PGS1: variants seen among roughly 807,000 people sequenced by gnomAD.
PGS1 encodes the protein phosphatidylglycerophosphate synthase 1, also known as CDP-diacylglycerol--glycerol-3-phosphate 3-phosphatidyltransferase, mitochondrial.
PGS1 carries 44 observed loss-of-function variants against 58.3 expected under a neutral mutation model. The observed-to-expected ratio is 0.75, with a 90% CI of 0.59 to 0.97. The LOEUF (loss-of-function observed/expected upper bound fraction) is 0.97, where lower values mean the gene tolerates loss of function less well. PGS1 is among the 50% of genes least tolerant of loss of function. PGS1 has a pLI of 0.00. For synonymous variants in PGS1, 330 were observed against 311.0 expected (o/e 1.06, Z -0.64); for missense variants, 684 against 731.1 (o/e 0.94, Z 0.74).
chr17:78,423,521 C>T (rs967466091), intron 9 of PGS1, among the ~76,000 whole-genome samples: 3 of 152,236 alleles, frequency 2.0e-5, no homozygotes, highest in Non-Finnish European at 4.4e-5. Flanking sequence ...AGTGCCAAGC[C>T]CTCACCCCAC....
intron 6 of PGS1, among the ~76,000 whole-genome samples, chr17:78,403,364 T>C (rs189189411): frequency 6.6e-6 from 1 of 152,330 alleles, no homozygotes; most frequent in East Asian, 1.9e-4. Context: ...TGGGCTACTG[T>C]GGACCAGGCC....
chr17:78,399,455 C>T lies in PGS1; in HGVS notation c.619C>T (p.Leu207Phe), dbSNP rs2083485348. Residue 207 changes from leucine (L) to phenylalanine (F), a missense_variant, in exon 5 of 10, where the codon CTC (leucine) becomes TTC (phenylalanine). Physicochemically the swap from Leu to Phe is conservative, Grantham distance 22. Coordinates refer to ENST00000262764, the MANE Select transcript of PGS1 (RefSeq NM_024419.5). ...GCACCTCCGTGGGCTGCTTCGGCTC[C>T]TCATCCCTGAGCGCTTCAACGAGAC... ...TPHLRGLLRL[L>F]IPERFNETIG... 1 of 1,614,188 alleles carries T rather than the reference C, an allele frequency of 6.2e-7. No homozygotes were observed. Among genetic ancestry groups the T allele is most frequent in the Non-Finnish European group, 8.5e-7 (1 of 1,180,034 alleles).
At chr17:78,379,003 G>T (rs2081838022) in intron 1 of PGS1, among the ~76,000 whole-genome samples, 195 bp downstream of exon 1, 1 of 152,216 alleles carries the variant, frequency 6.6e-6, no homozygotes, top group South Asian at 2.1e-4. Context: ...AGGGTGGGCG[G>T]CTCGTGCTCC....
intron 9 of PGS1, chr17:78,420,309 CCA>C (rs751079699): frequency 2.5e-6 from 2 of 801,224 alleles, no homozygotes; most frequent in East Asian, 2.5e-4. Context: ...CAGTGGGGTC[CCA>C]CAGTCACCTG....
At chr17:78,419,978 A>C (rs1405274183) in intron 9 of PGS1, 63 of 1,176,492 alleles carry the variant, frequency 5.4e-5, no homozygotes, top group Non-Finnish European at 6.6e-5. Flanking sequence ...GGTCCTGAAG[A>C]AGCCCTGGGG....
intron 1 of PGS1, among the ~76,000 whole-genome samples, chr17:78,390,794 T>G (rs980346578): frequency 3.9e-5 from 6 of 152,276 alleles, no homozygotes; most frequent in African/African-American, 1.4e-4. Flanking sequence ...TGGGCAGAAA[T>G]TCATCTCCTT....
intron 1 of PGS1, among the ~76,000 whole-genome samples, chr17:78,387,386 G>A (rs1209501501): frequency 6.9e-6 from 1 of 144,096 alleles, no homozygotes; most frequent in East Asian, 2.1e-4. Flanking sequence ...TGCAACCTCC[G>A]CCTCCCGGGT....
In PGS1 at chr17:78,405,936, C is replaced by T. The variant is rs1458638064; in HGVS notation, c.1402+1847C>T. 3.9e-5 allele frequency among the ~76,000 whole-genome samples: 6 copies of T among 152,270 alleles called. No individual in the cohort carries two copies. The East Asian group carries it at 5.8e-4, about 15-fold the overall frequency. ...GGCACACAGCTGTGTTGTTGAGACT[C>T]GAGGCATCTTCCGGTGCTCAGGTGG... is the stretch of plus-strand genomic sequence containing the variant. On this transcript the variant is annotated intron_variant, in intron 7 of 9. Coordinates refer to ENST00000262764, the MANE Select transcript of PGS1 (RefSeq NM_024419.5).
Position 78,424,209 on chromosome 17 carries a change from CTGGCAGGAAGGGTGGGGT to C in PGS1, c.*160_*177del, listed in dbSNP as rs1339925200. ...GTGCTGCCAGTAAGTGAGGGAGGGGCTGGCAGGAAGGGTGGGGTCCTCACACTCCCCGCCCTCTGCAGA... is the reference window on the plus strand; with the variant it reads ...GTGCTGCCAGTAAGTGAGGGAGGGGCCCTCACACTCCCCGCCCTCTGCAGA... On this transcript the variant is annotated 3_prime_UTR_variant, in exon 10 of 10. Coordinates refer to ENST00000262764, the MANE Select transcript of PGS1 (RefSeq NM_024419.5). 2 of 1,556,062 alleles carry C rather than the reference CTGGCAGGAAGGGTGGGGT, an allele frequency of 1.3e-6. No individual in the cohort carries two copies. Among genetic ancestry groups the C allele is most frequent in the Non-Finnish European group, 1.7e-6 (2 of 1,153,712 alleles).
chr17:78,380,851 T>C (rs1459659861), intron 1 of PGS1: 1 of 152,104 alleles, frequency 6.6e-6, no homozygotes. Flanking sequence ...TTTTTCTTTT[T>C]CTTTTTTTTT....
At chr17:78,386,981 G>GATGATGA (rs1567940590) in intron 1 of PGS1, among the ~76,000 whole-genome samples, 1 of 111,458 alleles carries the variant, frequency 9.0e-6, no homozygotes, top group African/African-American at 4.1e-5. Flanking sequence ...GATGATGATG[G>GATGATGA]TGATGATGGT....
Position 78,378,944 on chromosome 17 carries a change from C to T in PGS1, c.143+136C>T, listed in dbSNP as rs2081832643. 4.2e-6 allele frequency: 4 copies of T among 959,440 alleles called. No homozygotes were observed. In the East Asian group the frequency reaches 9.9e-5, roughly 24 times the overall value. 59.4% of individuals were successfully genotyped at this position (959,440 alleles called of 1,614,324 possible). A position where few individuals can be genotyped will look rare whatever the true frequency, so the allele number is the denominator to read the frequency against. On this transcript the variant is annotated intron_variant, in intron 1 of 9. Transcript: ENST00000262764. ...GGTTTCCGGGCCCATTTCTGCCTCCCGGGGCTCGGCGCCTGACCTATGTGC... is the reference window on the plus strand; with the variant it reads ...GGTTTCCGGGCCCATTTCTGCCTCCTGGGGCTCGGCGCCTGACCTATGTGC...
chr17:78,404,060 G>A lies in PGS1; in HGVS notation c.1373G>A (p.Trp458Ter), dbSNP rs1447382199. The change falls in exon 7 of 10, where the codon TGG (tryptophan) becomes TAG (stop). Residue 458 changes from tryptophan (W) to a stop codon, truncating the protein, a stop_gained. Coordinates refer to ENST00000262764, the MANE Select transcript of PGS1 (RefSeq NM_024419.5). LOFTEE classifies it high-confidence loss of function. ...QQERVQLQEY[W>*]RRGWTFHAKG... ...GAGCGGGTCCAGCTTCAGGAGTACT[G>A]GCGGAGGGGCTGGACGTTCCACGCC... 4 of 1,598,040 alleles carry A rather than the reference G, an allele frequency of 2.5e-6. No individual in the cohort carries two copies. The highest frequency in any genetic ancestry group is 3.4e-6 in the Non-Finnish European group (4 of 1,171,242).
At chr17:78,412,725 C>T (rs780130729) in intron 7 of PGS1, among the ~76,000 whole-genome samples, 27 of 152,276 alleles carry the variant, frequency 1.8e-4, no homozygotes, top group African/African-American at 5.8e-4. Context: ...CCCATGTGGG[C>T]GTGTGGCCTT....
intron 6 of PGS1, among the ~76,000 whole-genome samples, chr17:78,401,702 G>A (rs895854011): frequency 3.3e-5 from 5 of 152,190 alleles, no homozygotes; most frequent in Admixed American, 6.5e-5. Flanking sequence ...CTCAGACCCC[G>A]ACCGTGATGG....
At chr17:78,381,316 A>C (rs539891831) in intron 1 of PGS1, among the ~76,000 whole-genome samples, 2 of 152,156 alleles carry the variant, frequency 1.3e-5, no homozygotes, top group Non-Finnish European at 2.9e-5. Context: ...TCAACCAGCA[A>C]CTCAGTTTCT....
rs371142629 is a variant in PGS1 at position 78,392,560 on chromosome 17, C to T, written c.228C>T (p.Gly76=). The T allele has an allele frequency of 4.9e-5, 79 of 1,614,140 alleles. No individual in the cohort carries two copies. Among genetic ancestry groups the T allele is most frequent in the Middle Eastern group, 1.6e-4 (1 of 6,062 alleles). The change falls in exon 2 of 10, where the codon GGC becomes GGT. Residue 76 remains glycine, a synonymous_variant. Transcript: ENST00000262764. ...CACCTTGCTGCCTGTGTCCAGAAGG[C>T]GTGCACCGGTTCCAGTGGATCAGAA... ...TSPPCCLCPE[G]VHRFQWIRNL... is the part of the protein sequence containing the mutation.
chr17:78,406,498 G>A lies in PGS1; in HGVS notation c.1402+2409G>A, dbSNP rs114469091. ...TTCTGGCATGTCCAGGGCATCCCAC[G>A]TGCTGCTTTGAGGCCCACAGGCCTG... On this transcript the variant is annotated intron_variant, in intron 7 of 9. Transcript: ENST00000262764. Among the ~76,000 whole-genome samples the A allele has an allele frequency of 5.8e-3, 880 of 152,290 alleles. 12 individuals carry two copies. The highest frequency in any genetic ancestry group is 0.02 in the African/African-American group (849 of 41,570).
In PGS1 at chr17:78,424,142, C is replaced by T. The variant is rs2086275972; in HGVS notation, c.*92C>T. The T allele has an allele frequency of 1.9e-6, 3 of 1,610,896 alleles. No individual in the cohort carries two copies. Among genetic ancestry groups the T allele is most frequent in the Non-Finnish European group, 8.5e-7 (1 of 1,178,810 alleles). ...TCAGCGATGACTCCAGTCTGGGTGT[C>T]CCAGCGAGCCCCTGCAGGGACAGTA... is the stretch of plus-strand genomic sequence containing the variant. On this transcript the variant is annotated 3_prime_UTR_variant, in exon 10 of 10. Transcript: ENST00000262764.
Sources: allele counts gnomAD v4.1 joint callset (sites outside exome capture counted in the v4.1 genomes callset), GRCh38; gene constraint gnomAD v4.1.1; transcripts MANE v1.5; gene names NCBI Gene and HGNC (gene_info 2026-07-23, HGNC 2026-07-21).